ADCY8: variants seen among roughly 807,000 people sequenced by gnomAD.
ADCY8 encodes adenylate cyclase 8, also known as adenylate cyclase type 8.
A neutral mutation model predicts 119.7 loss-of-function variants in ADCY8; 51 were observed. That is an observed-to-expected ratio of 0.43 (90% CI 0.34 to 0.54). ADCY8 has a LOEUF of 0.54. ADCY8 is among the 20% of genes least tolerant of loss of function. The probability of loss-of-function intolerance (pLI) is 0.03; values close to 1 mark genes in which losing one functional copy is unlikely to be tolerated. For missense variants in ADCY8, 1,383 were observed against 1,598.8 expected (o/e 0.87, Z 2.30); for synonymous variants, 665 against 651.0 (o/e 1.02, Z -0.33).
At chr8:130,985,574 CT>C (rs1157048878) in intron 2 of ADCY8, among the ~76,000 whole-genome samples, 2 of 152,140 alleles carry the variant, frequency 1.3e-5, no homozygotes, top group Non-Finnish European at 2.9e-5. Context: ...GAAGACCCAT[CT>C]AGTTGGAGCA....
intron 1 of ADCY8, among the ~76,000 whole-genome samples, chr8:131,036,346 C>T (rs1824153052): frequency 1.3e-5 from 2 of 152,092 alleles, no homozygotes; most frequent in South Asian, 4.1e-4. Context: ...ACGTGTAAGA[C>T]TGCGTTACAC....
At position 130,906,965 on chromosome 8, in the gene ADCY8, A is replaced by G. The variant is rs67929083; in HGVS notation, c.1640+2743T>C. On this transcript the variant is annotated intron_variant, in intron 6 of 17. Transcript: ENST00000286355. ...AAGTACATATTTGGCCCCAAATCAT[A>G]TTAGTGGTTAGTGGCAGTGCTGGAT... is the stretch of plus-strand genomic sequence containing the variant. 2.0e-5 allele frequency among the ~76,000 whole-genome samples: 3 copies of G among 152,038 alleles called. No homozygotes were observed. The East Asian group carries it at 5.8e-4, about 29-fold the overall frequency.
intron 3 of ADCY8, among the ~76,000 whole-genome samples, chr8:130,949,103 GA>G (rs1374362919): frequency 6.6e-6 from 1 of 151,760 alleles, no homozygotes; most frequent in Non-Finnish European, 1.5e-5. Flanking sequence ...TGAACTTCTG[GA>G]AAAGGGTCTC....
At chr8:131,034,958 AAT>A (rs1586673495) in intron 1 of ADCY8, among the ~76,000 whole-genome samples, 2 of 152,202 alleles carry the variant, frequency 1.3e-5, no homozygotes, top group African/African-American at 2.4e-5. Context: ...CAGCAATTAA[AAT>A]AGAGTAAAAT....
chr8:130,849,477 G>A, intron 10 of ADCY8, 125 bp downstream of exon 10: 3 of 960,086 alleles, frequency 3.1e-6, no homozygotes, highest in Non-Finnish European at 4.8e-6. Context: ...TAAGCTTGGG[G>A]CTGGACCAGG....
chr8:131,004,198 G>A (rs192923471), intron 1 of ADCY8, among the ~76,000 whole-genome samples: 24 of 152,290 alleles, frequency 1.6e-4, no homozygotes, highest in Admixed American at 9.1e-4. Flanking sequence ...AACAGGCAAA[G>A]TAAGTAGGTA....
chr8:130,985,382 G>A (rs981569188), intron 2 of ADCY8, among the ~76,000 whole-genome samples: 1 of 152,078 alleles, frequency 6.6e-6, no homozygotes, highest in Non-Finnish European at 1.5e-5. Context: ...TGAGTGTAGA[G>A]GGTAAGAAGA....
rs1230996796 is a variant in ADCY8 at position 130,854,823 on chromosome 8, C to T, written c.2211-5020G>A. On this transcript the variant is annotated intron_variant, in intron 9 of 17. Transcript: ENST00000286355. ...CCTCCGTCCCTCCCTCCCTCCCTCCCTCCCTCCCTCCCTCCCTTCCTTCCC... is the reference window on the plus strand; with the variant it reads ...CCTCCGTCCCTCCCTCCCTCCCTCCTTCCCTCCCTCCCTCCCTTCCTTCCC... Among the ~76,000 whole-genome samples, 120 of 119,612 alleles carry T rather than the reference C, an allele frequency of 1.0e-3. 1 individual carries two copies. The highest frequency in any genetic ancestry group is 3.9e-3 in the African/African-American group (114 of 29,020). 78.5% of individuals were successfully genotyped at this position (119,612 alleles called of 152,430 possible). A position where few individuals can be genotyped will look rare whatever the true frequency, so the allele number is the denominator to read the frequency against.
intron 1 of ADCY8, among the ~76,000 whole-genome samples, chr8:131,023,342 T>C (rs1823732119): frequency 6.6e-6 from 1 of 152,202 alleles, no homozygotes; most frequent in Non-Finnish European, 1.5e-5. Context: ...ACTCTCCTTT[T>C]AGGAACATCT....
chr8:130,883,894 G>T (rs1818876534), intron 8 of ADCY8, among the ~76,000 whole-genome samples: 1 of 152,156 alleles, frequency 6.6e-6, no homozygotes, highest in Non-Finnish European at 1.5e-5. Context: ...TCAAGGTGTT[G>T]CCCTGAAGAC....
At chr8:130,884,358 T>C (rs1306811688) in intron 8 of ADCY8, among the ~76,000 whole-genome samples, 2 of 152,210 alleles carry the variant, frequency 1.3e-5, no homozygotes, top group African/African-American at 2.4e-5. Flanking sequence ...AGCAAGCTGA[T>C]GTTCTCTTAA....
At chr8:130,962,243 T>C (rs2130685595) in intron 2 of ADCY8, among the ~76,000 whole-genome samples, 2 of 152,298 alleles carry the variant, frequency 1.3e-5, no homozygotes, top group South Asian at 2.1e-4. Context: ...TCACATTTGT[T>C]CACTGCCTGA....
intron 1 of ADCY8, among the ~76,000 whole-genome samples, chr8:131,035,436 T>G (rs1385306153): frequency 6.6e-6 from 1 of 152,146 alleles, no homozygotes; most frequent in Non-Finnish European, 1.5e-5. Flanking sequence ...AGTGTGTTAA[T>G]TGAGTAGAGA....
At chr8:130,889,020 C>A (rs1010611310) in intron 7 of ADCY8, among the ~76,000 whole-genome samples, 36 of 152,060 alleles carry the variant, frequency 2.4e-4, no homozygotes, top group Admixed American at 2.4e-3. Flanking sequence ...CTCAAAAGAC[C>A]CTTTAAAGCA....
chr8:130,843,463 C>G (rs1402450657), intron 11 of ADCY8, among the ~76,000 whole-genome samples: 3 of 152,168 alleles, frequency 2.0e-5, no homozygotes, highest in African/African-American at 7.2e-5. Flanking sequence ...TTAGTATTCT[C>G]AAATCAGGGA....
chr8:130,934,057 C>T (rs1277397037), intron 5 of ADCY8, among the ~76,000 whole-genome samples: 1 of 152,176 alleles, frequency 6.6e-6, no homozygotes, highest in African/African-American at 2.4e-5. Flanking sequence ...ATTTCTAGGG[C>T]TTAGCCCAGT....
chr8:130,841,583 C>A (rs1239095297), intron 11 of ADCY8, among the ~76,000 whole-genome samples: 1 of 152,138 alleles, frequency 6.6e-6, no homozygotes, highest in Admixed American at 6.5e-5. Context: ...CCATGAATTG[C>A]CTTGGCAATA....
At chr8:130,947,935 G>A (rs1193220760) in intron 3 of ADCY8, among the ~76,000 whole-genome samples, 1 of 152,234 alleles carries the variant, frequency 6.6e-6, no homozygotes, top group East Asian at 1.9e-4. Flanking sequence ...ACTGTTCCCA[G>A]CCCACTTTGT....
chr8:130,915,698 A>G (rs1820105106), intron 5 of ADCY8, among the ~76,000 whole-genome samples: 1 of 152,168 alleles, frequency 6.6e-6, no homozygotes, highest in Admixed American at 6.5e-5. Context: ...TAACTTTTGG[A>G]AGTAATACCA....
Sources: allele counts gnomAD v4.1 joint callset (sites outside exome capture counted in the v4.1 genomes callset), GRCh38; gene constraint gnomAD v4.1.1; transcripts MANE v1.5; gene names NCBI Gene and HGNC (gene_info 2026-07-23, HGNC 2026-07-21).